The following ZDHHC14 variants were observed in gnomAD, a reference collection of about 807,000 sequenced individuals.
ZDHHC14 encodes palmitoyltransferase ZDHHC14.
In ZDHHC14, 16 loss-of-function variants were observed where a neutral mutation model predicts 47.7. That is an observed-to-expected ratio of 0.34 (90% CI 0.23 to 0.51). The LOEUF (loss-of-function observed/expected upper bound fraction) is 0.51, where lower values mean the gene tolerates loss of function less well. ZDHHC14 is among the 20% of genes least tolerant of loss of function. The pLI is 0.97. For missense variants in ZDHHC14, 515 were observed against 662.5 expected (o/e 0.78, Z 2.44); for synonymous variants, 293 against 278.9 (o/e 1.05, Z -0.50).
At chr6:157,480,864 A>G (rs1779611236) in intron 1 of ZDHHC14, among the ~76,000 whole-genome samples, 1 of 151,274 alleles carries the variant, frequency 6.6e-6, no homozygotes, top group East Asian at 1.9e-4. Flanking sequence ...ATATTGCAAC[A>G]AAAGGGGTAT....
intron 3 of ZDHHC14, among the ~76,000 whole-genome samples, chr6:157,599,183 G>A (rs1200497159): frequency 6.6e-6 from 1 of 152,210 alleles, no homozygotes; most frequent in African/African-American, 2.4e-5. Context: ...AAGCAGAAGA[G>A]GAATGAACCA....
intron 2 of ZDHHC14, among the ~76,000 whole-genome samples, chr6:157,544,858 A>G (rs911493493): frequency 6.6e-5 from 10 of 152,114 alleles, no homozygotes; most frequent in African/African-American, 2.4e-4. Flanking sequence ...AAAGCTAAAC[A>G]CCATTACTAT....
At chr6:157,574,690 C>G (rs1243621993) in intron 2 of ZDHHC14, among the ~76,000 whole-genome samples, 2 of 152,184 alleles carry the variant, frequency 1.3e-5, no homozygotes, top group Non-Finnish European at 2.9e-5. Flanking sequence ...TTGGTTTCCC[C>G]ATTTTAAAGT....
chr6:157,440,162 TTAATAATAATAA>T (rs199803371), intron 1 of ZDHHC14, among the ~76,000 whole-genome samples: 13 of 148,006 alleles, frequency 8.8e-5, no homozygotes, highest in Admixed American at 3.4e-4. Context: ...CCCTGGAACT[TTAATAATAATAA>T]TAATAATAAT....
Position 157,647,305 on chromosome 6 carries a change from C to CCTA in ZDHHC14, c.904_906dup (p.Tyr302dup). 1 of 1,614,134 alleles carries CCTA rather than the reference C, an allele frequency of 6.2e-7. No homozygotes were observed. Among genetic ancestry groups the CCTA allele is most frequent in the Non-Finnish European group, 8.5e-7 (1 of 1,180,020 alleles). Reference sequence around the variant, plus strand: ...AAAAGAGGTAAAGAAAATTACAATCCCTACAGCTACGGAAATATCTTTACC... The same window carrying CCTA: ...AAAAGAGGTAAAGAAAATTACAATCCCTACTACAGCTACGGAAATATCTTTACC... On this transcript the variant is annotated inframe_insertion, in exon 7 of 9. Transcript: ENST00000359775.
chr6:157,411,752 TA>T (rs10719123), intron 1 of ZDHHC14, among the ~76,000 whole-genome samples: 95,592 of 139,536 alleles, frequency 0.69, 33,907 homozygotes, highest in Middle Eastern at 0.89. Flanking sequence ...ATGTTCATGG[TA>T]AAAAAAAAAA....
At chr6:157,540,884 A>ATGTGTGTGTGTGTGTGTG (rs761747961) in intron 1 of ZDHHC14, among the ~76,000 whole-genome samples, 1,467 of 117,094 alleles carry the variant, frequency 0.013, 17 homozygotes, top group African/African-American at 0.025. Flanking sequence ...ATATATATGT[A>ATGTGTGTGTGTGTGTGTG]TGTATGTGTG....
rs201351384 is a variant in ZDHHC14 at position 157,590,997 on chromosome 6, C to T, written c.407-1991C>T. On this transcript the variant is annotated intron_variant, in intron 2 of 8. Transcript: ENST00000359775. Reference sequence around the variant, plus strand: ...CTTTAATGACTGACCTATTAGATTTCGGACTTGCATGGGGCCTGTAGCCCA... The same window carrying T: ...CTTTAATGACTGACCTATTAGATTTTGGACTTGCATGGGGCCTGTAGCCCA... 2.6e-5 allele frequency among the ~76,000 whole-genome samples: 4 copies of T among 152,340 alleles called. No individual in the cohort carries two copies. In the East Asian group the frequency reaches 5.8e-4, roughly 22 times the overall value.
At chr6:157,407,293 T>A (rs1245824453) in intron 1 of ZDHHC14, among the ~76,000 whole-genome samples, 1 of 152,018 alleles carries the variant, frequency 6.6e-6, no homozygotes, top group African/African-American at 2.4e-5. Context: ...AGGGAGTGAG[T>A]GGGACCCTGC....
rs71027335 is a variant in ZDHHC14 at position 157,416,972 on chromosome 6, G to GTTTTTTTT, written c.245+34728_245+34735dup. On this transcript the variant is annotated intron_variant, in intron 1 of 8. Transcript: ENST00000359775. Reference sequence around the variant, plus strand: ...AGGTGCCCGCCACCATGCCTGGCTAGTTTTTTTTTTTTTTTTTTTTTTTTT... The same window carrying GTTTTTTTT: ...AGGTGCCCGCCACCATGCCTGGCTAGTTTTTTTTTTTTTTTTTTTTTTTTTTTTTTTTT... 9.7e-4 allele frequency among the ~76,000 whole-genome samples: 44 copies of GTTTTTTTT among 45,548 alleles called. 2 individuals carry two copies. The highest frequency in any genetic ancestry group is 0.017 in the Middle Eastern group (1 of 58). 29.9% of individuals were successfully genotyped at this position (45,548 alleles called of 152,430 possible). A position where few individuals can be genotyped will look rare whatever the true frequency, so the allele number is the denominator to read the frequency against.
chr6:157,484,521 A>G (rs1447729128), intron 1 of ZDHHC14, among the ~76,000 whole-genome samples: 1 of 149,138 alleles, frequency 6.7e-6, no homozygotes, highest in Non-Finnish European at 1.5e-5. Context: ...CTGCATACGT[A>G]CCCCTGAACC....
intron 3 of ZDHHC14, 146 bp downstream of exon 3, chr6:157,593,292 A>G (rs555172688): frequency 1.8e-6 from 2 of 1,093,722 alleles, no homozygotes; most frequent in Non-Finnish European, 2.6e-6. Flanking sequence ...CACCGGGCCT[A>G]GAGTCACCAA....
intron 1 of ZDHHC14, among the ~76,000 whole-genome samples, chr6:157,409,599 T>C (rs1233944614): frequency 2.0e-5 from 3 of 152,316 alleles, no homozygotes; most frequent in Non-Finnish European, 2.9e-5. Context: ...ACATACGCTA[T>C]GCCAGGCCTC....
At chr6:157,507,677 C>G (rs1486482045) in intron 1 of ZDHHC14, among the ~76,000 whole-genome samples, 1 of 152,154 alleles carries the variant, frequency 6.6e-6, no homozygotes, top group African/African-American at 2.4e-5. Flanking sequence ...TATTTTAGCT[C>G]TATCTGAGCC....
chr6:157,610,026 G>A (rs1394803672), intron 3 of ZDHHC14, among the ~76,000 whole-genome samples: 1 of 152,210 alleles, frequency 6.6e-6, no homozygotes, highest in African/African-American at 2.4e-5. Flanking sequence ...ATCACAGAGG[G>A]GGCTGCAGGC....
chr6:157,409,231 C>T (rs539531500), intron 1 of ZDHHC14, among the ~76,000 whole-genome samples: 7 of 152,334 alleles, frequency 4.6e-5, no homozygotes, highest in Non-Finnish European at 7.3e-5. Context: ...TCTGCTTCCG[C>T]GTCCCAGGGG....
chr6:157,495,695 ATTTTTTTTTTTTT>A (rs71027341), intron 1 of ZDHHC14, among the ~76,000 whole-genome samples: 1 of 104,348 alleles, frequency 9.6e-6, no homozygotes, highest in Non-Finnish European at 1.9e-5. Flanking sequence ...TTCGGGTTGA[ATTTTTTTTTTTTT>A]TTTTTTTTTT....
intron 2 of ZDHHC14, among the ~76,000 whole-genome samples, chr6:157,574,934 A>G (rs896512607): frequency 6.6e-6 from 1 of 152,194 alleles, no homozygotes; most frequent in African/African-American, 2.4e-5. Context: ...AGTGCTCTCT[A>G]GAGAAATACC....
chr6:157,653,599 A>G lies in ZDHHC14; in HGVS notation c.1040A>G (p.Tyr347Cys), dbSNP rs1346873478. 5.0e-6 allele frequency: 8 copies of G among 1,613,756 alleles called. No homozygotes were observed. The highest frequency in any genetic ancestry group is 6.8e-6 in the Non-Finnish European group (8 of 1,179,986). ...GCACCCTCCAATGGCATCACCATGTACGGGGCCACGCAGTCACAGAGTGAC... is the reference window on the plus strand; with the variant it reads ...GCACCCTCCAATGGCATCACCATGTGCGGGGCCACGCAGTCACAGAGTGAC... Reference protein sequence around the residue: ...PAAPSNGITMYGATQSQSDMC... With the variant: ...PAAPSNGITMCGATQSQSDMC... The change falls in exon 8 of 9, where the codon TAC (tyrosine) becomes TGC (cysteine). Residue 347 changes from tyrosine to cysteine, a missense_variant. Tyr to Cys is a radical substitution (Grantham distance 194, BLOSUM62 -2). Around this residue, in one of 4 missense-constraint regions of ZDHHC14, gnomAD observed 221 missense variants for 233.6 expected, o/e 0.95. Coordinates refer to ENST00000359775, the MANE Select transcript of ZDHHC14 (RefSeq NM_024630.3).
Sources: allele counts gnomAD v4.1 joint callset (sites outside exome capture counted in the v4.1 genomes callset), GRCh38; gene constraint gnomAD v4.1.1; regional missense constraint gnomAD v4.1.1; transcripts MANE v1.5; gene names NCBI Gene and HGNC (gene_info 2026-07-23, HGNC 2026-07-21).